Variants in CEP83 observed in about 807,000 individuals in gnomAD.
CEP83 encodes centrosomal protein of 83 kDa.
Under a neutral mutation model 101.9 loss-of-function variants are expected in CEP83, and 70 were observed. That is an observed-to-expected ratio of 0.69 (90% CI 0.57 to 0.84). CEP83 has a LOEUF of 0.84. Among genes scored for constraint, CEP83 ranks in the 40% least tolerant of loss-of-function variants. The pLI, the probability that CEP83 is intolerant of heterozygous loss-of-function variation, is 0.00. For missense variants in CEP83, 715 were observed against 787.2 expected, an observed-to-expected ratio of 0.91 and a Z score of 1.10; for synonymous variants, 264 against 267.9, an observed-to-expected ratio of 0.99 and a Z score of 0.14.
intron 6 of CEP83, among the ~76,000 whole-genome samples, chr12:94,396,562 A>G (rs1037288102): frequency 1.3e-5 from 2 of 152,098 alleles, no homozygotes; most frequent in Non-Finnish European, 2.9e-5. Flanking sequence ...TGCTGGGATT[A>G]CAAATATGAG....
At chr12:94,322,491 G>A (rs1351944569) in intron 14 of CEP83, among the ~76,000 whole-genome samples, 2 of 152,172 alleles carry the variant, frequency 1.3e-5, no homozygotes, top group Admixed American at 1.3e-4. Context: ...AGTTGCTTCA[G>A]ACTCTCCAAA....
intron 14 of CEP83, among the ~76,000 whole-genome samples, chr12:94,316,869 T>C (rs990518055): frequency 6.6e-6 from 1 of 152,192 alleles, no homozygotes; most frequent in African/African-American, 2.4e-5. Flanking sequence ...CTATTGTGAA[T>C]AGTGTTGCAA....
chr12:94,401,917 G>C (rs1181644887), intron 5 of CEP83, among the ~76,000 whole-genome samples: 3 of 152,094 alleles, frequency 2.0e-5, no homozygotes, highest in African/African-American at 7.2e-5. Flanking sequence ...CATTATAAAA[G>C]ACGATTCTAC....
chr12:94,278,149 A>G, the CEP83 span: 1 of 396,140 alleles, frequency 2.5e-6, no homozygotes, highest in Non-Finnish European at 5.1e-6. Context: ...TTAAAACCAA[A>G]AAAAACAAAA....
chr12:94,380,071 C>CAAAAAAAAAAAAAAAAAAAAA (rs11362391), intron 6 of CEP83, among the ~76,000 whole-genome samples: 16 of 83,176 alleles, frequency 1.9e-4, no homozygotes, highest in East Asian at 7.2e-4. Flanking sequence ...CCCGGCCCTG[C>CAAAAAAAAAAAAAAAAAAAAA]AAAAAAAAAA....
chr12:94,391,648 T>G (rs2137394967), intron 6 of CEP83, among the ~76,000 whole-genome samples: 1 of 152,202 alleles, frequency 6.6e-6, no homozygotes. Context: ...TAAATGTAAA[T>G]GAGCTAAATG....
chr12:94,294,893 C>T, the CEP83 span, among the ~76,000 whole-genome samples: 1 of 152,136 alleles, frequency 6.6e-6, no homozygotes, highest in East Asian at 1.9e-4. Flanking sequence ...AGAGTACAGA[C>T]AATCATCACA....
intron 6 of CEP83, among the ~76,000 whole-genome samples, chr12:94,388,002 C>T (rs539300818): frequency 6.6e-6 from 1 of 152,274 alleles, no homozygotes; most frequent in African/African-American, 2.4e-5. Context: ...ATTAGTTCAG[C>T]CACTGTGGAA....
rs372325945 is a variant in CEP83, at chr12:94,351,533, A to G, written c.1344-15869T>C. On this transcript the variant is annotated intron_variant, in intron 11 of 16. Transcript: ENST00000397809. ...CAACACCACAACCTCAGCTACACAG[A>G]GCAGTAAAGCCAAAACTCCAGAACC... Among the ~76,000 whole-genome samples the G allele has an allele frequency of 4.6e-5, 7 of 152,170 alleles. No individual in the cohort carries two copies. The East Asian group carries it at 9.6e-4, about 21-fold the overall frequency.
At chr12:94,309,640 A>G (rs780357065) in intron 16 of CEP83, among the ~76,000 whole-genome samples, 1 of 152,186 alleles carries the variant, frequency 6.6e-6, no homozygotes, top group South Asian at 2.1e-4. Context: ...ACTCTAGGTT[A>G]CTCAATGACT....
At chr12:94,322,269 A>T (rs1448319101) in intron 14 of CEP83, among the ~76,000 whole-genome samples, 1 of 152,202 alleles carries the variant, frequency 6.6e-6, no homozygotes, top group Non-Finnish European at 1.5e-5. Flanking sequence ...GCTGCTAAAC[A>T]GCAGAAGTGG....
At chr12:94,375,368 G>C (rs574977419) in intron 8 of CEP83, among the ~76,000 whole-genome samples, 1 of 152,190 alleles carries the variant, frequency 6.6e-6, no homozygotes, top group Non-Finnish European at 1.5e-5. Context: ...TCAGACAAGT[G>C]CAGAAACCCT....
chr12:94,341,056 C>G (rs2136619554), intron 11 of CEP83, among the ~76,000 whole-genome samples: 1 of 152,318 alleles, frequency 6.6e-6, no homozygotes, highest in Non-Finnish European at 1.5e-5. Flanking sequence ...CAAAAGTTGA[C>G]TACATATTCT....
At chr12:94,412,688 TTTTTC>T (rs2063964926) in intron 2 of CEP83, 97 bp from the exon 3 acceptor site, 3 of 380,432 alleles carry the variant, frequency 7.9e-6, no homozygotes, top group Non-Finnish European at 1.3e-5. Context: ...TATTCTTTTT[TTTTTC>T]TTTTTTTTTT....
chr12:94,336,328 A>T (rs2059446358), intron 11 of CEP83, among the ~76,000 whole-genome samples: 1 of 152,192 alleles, frequency 6.6e-6, no homozygotes, highest in South Asian at 2.1e-4. Flanking sequence ...GGAAGACATT[A>T]CACTAATTAG....
chr12:94,309,846 T>G, intron 16 of CEP83, 72 bp downstream of exon 16: 3 of 996,636 alleles, frequency 3.0e-6, no homozygotes, highest in Non-Finnish European at 4.3e-6. Flanking sequence ...TTGAGTTTTA[T>G]CACCATATTT....
chr12:94,272,894 T>G, the CEP83 span, among the ~76,000 whole-genome samples: 4 of 152,208 alleles, frequency 2.6e-5, no homozygotes, highest in African/African-American at 9.6e-5. Context: ...AGATCGCCTA[T>G]GTCCAGCCTG....
intron 2 of CEP83, chr12:94,424,230 T>C: frequency 6.2e-7 from 1 of 1,613,254 alleles, no homozygotes; most frequent in Non-Finnish European, 8.5e-7. Context: ...GTCAAGGCCA[T>C]GATGCCCATG....
chr12:94,450,252 ATTGG>A (rs1419847462), intron 1 of CEP83, among the ~76,000 whole-genome samples: 1 of 152,108 alleles, frequency 6.6e-6, no homozygotes, highest in Non-Finnish European at 1.5e-5. Context: ...ATATGCAAAA[ATTGG>A]TTGCATTTTT....
Sources: allele counts gnomAD v4.1 joint callset (sites outside exome capture counted in the v4.1 genomes callset), GRCh38; gene constraint gnomAD v4.1.1; transcripts MANE v1.5; gene names NCBI Gene and HGNC (gene_info 2026-07-23, HGNC 2026-07-21).